KIAA1217: variants seen among roughly 807,000 people sequenced by gnomAD.
The protein encoded by KIAA1217 is KIAA1217, also known as sickle tail protein homolog.
In KIAA1217, 88 loss-of-function variants were observed where a neutral mutation model predicts 163.9. The ratio of observed to expected loss-of-function variants is 0.54; its 90% CI spans 0.45 to 0.64. The LOEUF (loss-of-function observed/expected upper bound fraction) is 0.64. Ranked by LOEUF, KIAA1217 falls within the 30% of genes least tolerant of loss-of-function variation. The pLI is 0.00. For missense variants in KIAA1217, 2,372 were observed against 2,475.0 expected (o/e 0.96, Z 0.88); for synonymous variants, 903 against 923.1 (o/e 0.98, Z 0.39).
intron 7 of KIAA1217, 149 bp from the exon 8 acceptor site, chr10:24,494,998 T>G (rs183938495): frequency 1.5e-6 from 1 of 658,232 alleles, no homozygotes; most frequent in Non-Finnish European, 2.5e-6. Context: ...TTTTCCATCC[T>G]GGCCAATTGT....
At chr10:24,280,964 A>G (rs1027246009) in intron 2 of KIAA1217, among the ~76,000 whole-genome samples, 2 of 152,236 alleles carry the variant, frequency 1.3e-5, no homozygotes, top group African/African-American at 2.4e-5. Context: ...TCAGTATTCC[A>G]TAGATGGGGA....
intron 2 of KIAA1217, among the ~76,000 whole-genome samples, chr10:24,220,980 T>G (rs2069559820): frequency 6.6e-6 from 1 of 151,910 alleles, no homozygotes; most frequent in Non-Finnish European, 1.5e-5. Context: ...AGGTTGGTCT[T>G]GAACTCCTGG....
chr10:24,216,115 T>A (rs533435929), intron 1 of KIAA1217, among the ~76,000 whole-genome samples: 1 of 152,306 alleles, frequency 6.6e-6, no homozygotes, highest in East Asian at 1.9e-4. Context: ...AACAGGGGTC[T>A]GATGAGTCTA....
At chr10:24,246,050 C>T (rs923011802) in intron 2 of KIAA1217, among the ~76,000 whole-genome samples, 7 of 152,086 alleles carry the variant, frequency 4.6e-5, no homozygotes, top group African/African-American at 1.7e-4. Flanking sequence ...TTGAATTTTG[C>T]ACAAAGAAGG....
At chr10:23,805,996 C>CA (rs71397917) in intron 1 of KIAA1217, among the ~76,000 whole-genome samples, 688 of 30,496 alleles carry the variant, frequency 0.023, 63 homozygotes, top group African/African-American at 0.053. Flanking sequence ...AACTCCATCT[C>CA]AAAAAAAAAA....
chr10:23,826,767 G>A (rs536939294), intron 1 of KIAA1217, among the ~76,000 whole-genome samples: 17 of 152,142 alleles, frequency 1.1e-4, no homozygotes, highest in Non-Finnish European at 2.2e-4. Context: ...ATGCTCCAAG[G>A]GCTATCATAT....
chr10:23,859,660 T>G (rs1487379468), intron 1 of KIAA1217, among the ~76,000 whole-genome samples: 4 of 152,228 alleles, frequency 2.6e-5, no homozygotes, highest in African/African-American at 9.6e-5. Flanking sequence ...TTGTTACTTT[T>G]GGCCATGGCA....
chr10:24,408,228 G>A (rs537318651), intron 3 of KIAA1217, among the ~76,000 whole-genome samples: 1 of 152,178 alleles, frequency 6.6e-6, no homozygotes, highest in Non-Finnish European at 1.5e-5. Flanking sequence ...TATAGTGCCT[G>A]AACCATAACA....
chr10:24,290,878 A>T (rs2079027184), intron 2 of KIAA1217, among the ~76,000 whole-genome samples: 1 of 152,144 alleles, frequency 6.6e-6, no homozygotes, highest in Admixed American at 6.5e-5. Flanking sequence ...CTGGGATTAC[A>T]GGCATGATCC....
At chr10:24,115,295 T>C (rs775127728) in intron 2 of KIAA1217, among the ~76,000 whole-genome samples, 6 of 152,202 alleles carry the variant, frequency 3.9e-5, no homozygotes, top group Non-Finnish European at 7.3e-5. Flanking sequence ...GCTACATTCA[T>C]GGAAAGTCAG....
chr10:23,874,491 A>G (rs1160447301), intron 1 of KIAA1217, among the ~76,000 whole-genome samples: 1 of 152,000 alleles, frequency 6.6e-6, no homozygotes, highest in Non-Finnish European at 1.5e-5. Context: ...TATAGCCCCT[A>G]AACTCTCACA....
intron 2 of KIAA1217, among the ~76,000 whole-genome samples, chr10:24,284,671 T>C (rs1195916114): frequency 6.6e-6 from 1 of 152,222 alleles, no homozygotes; most frequent in Non-Finnish European, 1.5e-5. Context: ...CTGAGTTCTG[T>C]GTCTTTGTCA....
intron 12 of KIAA1217, among the ~76,000 whole-genome samples, chr10:24,523,355 G>T (rs2071592206): frequency 6.6e-6 from 1 of 152,132 alleles, no homozygotes. Context: ...GATGGTTGAG[G>T]CAGAATGATA....
At chr10:24,090,614 C>A (rs528308211) in intron 2 of KIAA1217, among the ~76,000 whole-genome samples, 3 of 151,732 alleles carry the variant, frequency 2.0e-5, no homozygotes, top group Non-Finnish European at 2.9e-5. Context: ...GGACTGTGAG[C>A]ATTTCGAAGA....
At chr10:24,108,714 A>G (rs920746959) in intron 2 of KIAA1217, among the ~76,000 whole-genome samples, 1 of 152,238 alleles carries the variant, frequency 6.6e-6, no homozygotes, top group Non-Finnish European at 1.5e-5. Context: ...AGTCTATTCA[A>G]TCATGCCAAG....
chr10:23,721,436 T>C (rs1348754643), intron 1 of KIAA1217, among the ~76,000 whole-genome samples: 3 of 152,216 alleles, frequency 2.0e-5, no homozygotes, highest in Non-Finnish European at 4.4e-5. Flanking sequence ...TTATAATTTA[T>C]TGAAGTCAGG....
intron 2 of KIAA1217, among the ~76,000 whole-genome samples, chr10:24,044,443 G>A (rs1404463525): frequency 6.6e-6 from 1 of 152,064 alleles, no homozygotes; most frequent in Non-Finnish European, 1.5e-5. Flanking sequence ...AGCTTATCAC[G>A]TGTCAGATTT....
At chr10:23,919,925 T>C (rs985344072) in intron 1 of KIAA1217, among the ~76,000 whole-genome samples, 1 of 152,158 alleles carries the variant, frequency 6.6e-6, no homozygotes, top group Non-Finnish European at 1.5e-5. Context: ...CTTGAACTTG[T>C]TGACATCTCA....
At chr10:24,294,072 G>C (rs1483339460) in intron 2 of KIAA1217, among the ~76,000 whole-genome samples, 1 of 149,798 alleles carries the variant, frequency 6.7e-6, no homozygotes, top group African/African-American at 2.5e-5. Context: ...GGCGCCTGTA[G>C]TCCCAGCTAC....
Sources: gnomAD v4.1 joint callset for allele counts (sites outside exome capture counted in the v4.1 genomes callset) on GRCh38, gnomAD v4.1.1 for gene constraint, MANE v1.5 for transcripts, NCBI Gene and HGNC (gene_info 2026-07-23, HGNC 2026-07-21) for gene names.